CACNA1A: variants seen among roughly 807,000 people sequenced by gnomAD.
CACNA1A encodes the protein voltage-dependent P/Q-type calcium channel subunit alpha-1A.
In CACNA1A, 57 loss-of-function variants were observed where a neutral mutation model predicts 262.4. That is an observed-to-expected ratio of 0.22 (90% CI 0.18 to 0.27). The LOEUF is 0.27. Ranked by LOEUF, CACNA1A falls within the 10% of genes least tolerant of loss-of-function variation. CACNA1A has a pLI of 1.00. For missense variants in CACNA1A, 2,526 were observed against 3,562.8 expected (o/e 0.71, Z 7.41); for synonymous variants, 1,431 against 1,419.3 (o/e 1.01, Z -0.18).
chr19:13,332,336 G>T (rs1355161549), intron 9 of CACNA1A, among the ~76,000 whole-genome samples: 1 of 152,022 alleles, frequency 6.6e-6, no homozygotes, highest in Admixed American at 6.6e-5. Context: ...GGAGCCAGAG[G>T]TTGCAGTGAG....
At chr19:13,479,001 C>CCATCTGTACTAAA (rs1293154937) in intron 1 of CACNA1A, among the ~76,000 whole-genome samples, 1 of 152,078 alleles carries the variant, frequency 6.6e-6, no homozygotes, top group Non-Finnish European at 1.5e-5. Context: ...TGGTGAAACC[C>CCATCTGTACTAAA]CATCTGTACT....
In CACNA1A at chr19:13,212,127, C is replaced by T; in HGVS notation, c.6279G>A (p.Met2093Ile). The stretch of plus-strand genomic sequence containing the variant: ...CCTGGTTCTCTGCAGGGAGGCGGGG[C>T]ATGGAGGCAGCCCGGCCCTGGCCTT... ...PMEGQGRAAS[M>I]PRLPAENQRR... Residue 2093 changes from methionine to isoleucine, a missense_variant, in exon 43 of 47, where the codon ATG becomes ATA. Physicochemically the swap from Met to Ile is conservative, Grantham distance 10 (BLOSUM62 1). Transcript: ENST00000360228. The surrounding 1 kb of genome is among the most constrained non-coding windows in gnomAD (Gnocchi z 5.6). 1 of 1,613,226 alleles carries T rather than the reference C, an allele frequency of 6.2e-7. No homozygotes were observed. The highest frequency in any genetic ancestry group is 8.5e-7 in the Non-Finnish European group (1 of 1,179,438).
chr19:13,384,341 G>A (rs1020321520), intron 3 of CACNA1A, among the ~76,000 whole-genome samples: 2 of 152,116 alleles, frequency 1.3e-5, no homozygotes, highest in Non-Finnish European at 2.9e-5. Context: ...CAGTGGAGAG[G>A]GAGAAGACAC....
At chr19:13,503,527 G>A (rs938562040) in intron 1 of CACNA1A, among the ~76,000 whole-genome samples, 3 of 151,284 alleles carry the variant, frequency 2.0e-5, no homozygotes, top group African/African-American at 7.3e-5. Flanking sequence ...CCCTGGTATC[G>A]TGACTCTGAC....
At chr19:13,369,413 TCTC>T (rs75244520) in intron 4 of CACNA1A, among the ~76,000 whole-genome samples, 2,992 of 152,216 alleles carry the variant, frequency 0.02, 80 homozygotes, top group East Asian at 0.099. Flanking sequence ...ACCCTGCTGA[TCTC>T]CTGCTGTCTC....
intron 36 of CACNA1A, chr19:13,228,904 G>C (rs2055569494): frequency 1.8e-6 from 1 of 566,392 alleles, no homozygotes; most frequent in East Asian, 4.1e-5. Context: ...GCTTGAAGGA[G>C]TGGGAGAGAC....
At chr19:13,406,105 C>T (rs1398210521) in intron 3 of CACNA1A, among the ~76,000 whole-genome samples, 3 of 151,852 alleles carry the variant, frequency 2.0e-5, no homozygotes, top group Non-Finnish European at 2.9e-5. Flanking sequence ...CGCTTGAGGC[C>T]AGGAGTTTAA....
intron 1 of CACNA1A, among the ~76,000 whole-genome samples, chr19:13,482,349 G>A (rs781018649): frequency 6.6e-6 from 1 of 152,050 alleles, no homozygotes. Context: ...CGGGCGTGGT[G>A]GTGGGTGCCT....
intron 1 of CACNA1A, among the ~76,000 whole-genome samples, chr19:13,474,793 G>A (rs550817839): frequency 6.7e-6 from 1 of 150,330 alleles, no homozygotes; most frequent in South Asian, 2.1e-4. Context: ...CTCCAGCCTG[G>A]GCAACAGAGG....
At chr19:13,302,270 C>T (rs1212172595) in intron 17 of CACNA1A, among the ~76,000 whole-genome samples, 1 of 152,208 alleles carries the variant, frequency 6.6e-6, no homozygotes, top group Non-Finnish European at 1.5e-5. Flanking sequence ...AACTGACAAG[C>T]TACGTATGTT....
intron 3 of CACNA1A, among the ~76,000 whole-genome samples, chr19:13,376,898 T>TTA (rs1449400862): frequency 3.4e-5 from 5 of 145,212 alleles, no homozygotes; most frequent in Non-Finnish European, 7.5e-5. Flanking sequence ...ATGTTATATG[T>TTA]GATATATAAT....
At chr19:13,225,619 G>A (rs967661552) in intron 37 of CACNA1A, 7 of 152,086 alleles carry the variant, frequency 4.6e-5, no homozygotes. Context: ...AGGGGGGTGA[G>A]GGCAACTTGG....
intron 31 of CACNA1A, 177 bp downstream of exon 31, chr19:13,245,005 C>G: frequency 4.9e-6 from 3 of 612,398 alleles, no homozygotes; most frequent in South Asian, 3.8e-5. Flanking sequence ...ACAATGCCCT[C>G]CTGAGGGGCT....
chr19:13,207,515 A>C lies in CACNA1A; in HGVS notation c.7319T>G (p.Val2440Gly). The change falls in exon 47 of 47, where the codon GTA becomes GGA. Residue 2440 changes from valine (V) to glycine (G), a missense_variant. Physicochemically the swap from Val to Gly is moderately radical, Grantham distance 109 (BLOSUM62 -3). Coordinates refer to ENST00000360228, the MANE Select transcript of CACNA1A (RefSeq NM_001127222.2). This position sits in a 1 kb window ranked among gnomAD's most constrained non-coding sequence, Gnocchi z 5.7. ...GGTGGCGCCCGAGGACGCGTGTCGT[A>C]CGGGGGGTGGCGCGTCGTAGGCCCC... ...MAGAYDAPPP[V>G]RHASSGATGR... 1 of 1,433,168 alleles carries C rather than the reference A, an allele frequency of 7.0e-7. No individual in the cohort carries two copies. The highest frequency in any genetic ancestry group is 9.1e-7 in the Non-Finnish European group (1 of 1,096,634). 88.8% of individuals were successfully genotyped at this position (1,433,168 alleles called of 1,614,324 possible). A position where few individuals can be genotyped will look rare whatever the true frequency, so the allele number is the denominator to read the frequency against.
In CACNA1A at chr19:13,236,307, G is replaced by C. The variant is rs1179829163; in HGVS notation, c.4951-577C>G. On this transcript the variant is annotated intron_variant, in intron 31 of 46. Transcript: ENST00000360228. This position sits in a 1 kb window ranked among gnomAD's most constrained non-coding sequence, Gnocchi z 4.6. ...TACGCTCCGGGCCAGAAATGCATCT[G>C]TCACGGGACTCACCGGGCACCCTGC... The C allele has an allele frequency of 6.5e-6, 1 of 154,808 alleles. No individual in the cohort carries two copies. The highest frequency in any genetic ancestry group is 2.4e-5 in the African/African-American group (1 of 41,466). 9.6% of individuals were successfully genotyped at this position (154,808 alleles called of 1,614,324 possible).
chr19:13,453,508 T>C (rs2060953287), intron 2 of CACNA1A, among the ~76,000 whole-genome samples: 1 of 152,202 alleles, frequency 6.6e-6, no homozygotes, highest in Non-Finnish European at 1.5e-5. Flanking sequence ...GTTCAAGGTA[T>C]TTGAGGCTAG....
At chr19:13,440,160 T>C (rs760627025) in intron 3 of CACNA1A, among the ~76,000 whole-genome samples, 7 of 152,134 alleles carry the variant, frequency 4.6e-5, no homozygotes, top group African/African-American at 1.7e-4. Context: ...GGTCTCACTA[T>C]GTTGCCCAGT....
At chr19:13,376,735 G>GAT (rs964226279) in intron 3 of CACNA1A, among the ~76,000 whole-genome samples, 9 of 145,350 alleles carry the variant, frequency 6.2e-5, no homozygotes, top group South Asian at 2.1e-4. Context: ...TGTTATATAT[G>GAT]ATATATATAA....
At chr19:13,434,801 T>G (rs1341526224) in intron 3 of CACNA1A, among the ~76,000 whole-genome samples, 1 of 151,850 alleles carries the variant, frequency 6.6e-6, no homozygotes, top group Non-Finnish European at 1.5e-5. Flanking sequence ...TTATTATTAT[T>G]ATTATTTTTA....
Sources: allele counts gnomAD v4.1 joint callset (sites outside exome capture counted in the v4.1 genomes callset), GRCh38; gene constraint gnomAD v4.1.1; non-coding constraint Gnocchi (gnomAD v3.1); transcripts MANE v1.5; gene names NCBI Gene and HGNC (gene_info 2026-07-23, HGNC 2026-07-21).